PABIR2: variants seen among roughly 807,000 people sequenced by gnomAD.
PABIR2 encodes family with sequence similarity 122B.
PABIR2 carries 7 observed loss-of-function variants against 22.8 expected under a neutral mutation model. The observed-to-expected ratio is 0.31, with a 90% CI of 0.17 to 0.58. PABIR2 has a LOEUF of 0.58. PABIR2 is among the 20% of genes least tolerant of loss of function. PABIR2 has a pLI of 0.89. For missense variants in PABIR2, 155 were observed against 205.1 expected (o/e 0.76, Z 1.49); for synonymous variants, 67 against 73.8 (o/e 0.91, Z 0.47).
intron 9 of PABIR2, 102 bp from the exon 10 acceptor site, chrX:134,772,385 G>T: frequency 1.2e-6 from 1 of 823,496 alleles, no homozygotes; most frequent in Non-Finnish European, 1.7e-6. Context: ...TAAATCACTT[G>T]TAAATAATAA....
intron 9 of PABIR2, 84 bp from the exon 10 acceptor site, chrX:134,772,367 C>T: frequency 1.1e-6 from 1 of 919,661 alleles, no homozygotes; most frequent in Non-Finnish European, 1.5e-6. Context: ...CAAGAGCTCA[C>T]AAATCAGTAA....
intron 9 of PABIR2, among the ~76,000 whole-genome samples, chrX:134,776,947 A>G (rs2078994596): frequency 8.9e-6 from 1 of 112,547 alleles, no homozygotes; most frequent in Non-Finnish European, 1.9e-5. Flanking sequence ...TGATAAAAGT[A>G]ATCACAAAAC....
chrX:134,775,102 G>A (rs759254957), intron 9 of PABIR2, among the ~76,000 whole-genome samples: 121 of 112,196 alleles, frequency 1.1e-3, no homozygotes, highest in African/African-American at 3.7e-3. Context: ...ACTAATGGCC[G>A]AAAGCCAGAC....
chrX:134,787,212 G>A (rs1362967290), intron 7 of PABIR2, among the ~76,000 whole-genome samples: 1 of 106,307 alleles, frequency 9.4e-6, no homozygotes, highest in African/African-American at 3.4e-5. Flanking sequence ...CGATTCTCCT[G>A]CCTCAGCCTC....
intron 9 of PABIR2, among the ~76,000 whole-genome samples, chrX:134,775,540 AAG>A (rs1302886421): frequency 9.3e-6 from 1 of 107,944 alleles, no homozygotes; most frequent in African/African-American, 3.4e-5. Flanking sequence ...AAAAAAAAAA[AAG>A]TACTTATGAC....
chrX:134,781,722 A>C lies in PABIR2; in HGVS notation c.659+99T>G, dbSNP rs186472284. The C allele has an allele frequency of 2.3e-3, 1,049 of 447,165 alleles. 3 individuals are homozygous for C. Among genetic ancestry groups the C allele is most frequent in the Non-Finnish European group, 2.9e-3 (955 of 328,476 alleles). 36.9% of individuals were successfully genotyped at this position (447,165 alleles called of 1,213,427 possible). ...TAAAAAATAAATATTAACAAAATTC[A>C]AAAAAAAATATTTTAAATTATCCCA... On this transcript the variant is annotated intron_variant, in intron 9 of 9. Transcript: ENST00000343004.
rs1018120447 is a variant in PABIR2 at position 134,797,024 on chromosome X, G to C, written c.-819C>G. The C allele has an allele frequency of 8.8e-6, 1 of 113,919 alleles. No individual in the cohort carries two copies. Among genetic ancestry groups the C allele is most frequent in the African/African-American group, 3.2e-5 (1 of 31,184 alleles). The allele number at this position is 113,919 out of a possible 1,213,427, so 9.4% of individuals were successfully genotyped here. A position where few individuals can be genotyped will look rare whatever the true frequency, so the allele number is the denominator to read the frequency against. On this transcript the variant is annotated 5_prime_UTR_variant, in exon 1 of 10. Coordinates refer to ENST00000343004, the MANE Select transcript of PABIR2 (RefSeq NM_001387468.1). ...CTCCCGCCTCGAGGACAGGTTGGGG[G>C]TTCGGCCTCTCAGCCGCCGCCGCGG...
rs2078808887 is a variant in PABIR2 at position 134,769,643 on chromosome X, C to T, written c.*2496G>A. On this transcript the variant is annotated 3_prime_UTR_variant, in exon 10 of 10. Transcript: ENST00000343004. ...ACAAGGCCAGCATTTCACAAAACTTCCTATTATTCCAAAAGCAGTAATCAT... is the reference window on the plus strand; with the variant it reads ...ACAAGGCCAGCATTTCACAAAACTTTCTATTATTCCAAAAGCAGTAATCAT... The T allele has an allele frequency of 8.9e-6, 1 of 111,931 alleles. No individual in the cohort carries two copies. Among genetic ancestry groups the T allele is most frequent in the Admixed American group, 9.5e-5 (1 of 10,474 alleles). 9.2% of individuals were successfully genotyped at this position (111,931 alleles called of 1,213,427 possible).
At position 134,769,627 on chromosome X, in the gene PABIR2, G is replaced by T; in HGVS notation, c.*2512C>A. The T allele has an allele frequency of 8.8e-6, 1 of 113,607 alleles. No individual in the cohort carries two copies. The allele number at this position is 113,607 out of a possible 1,213,427, so 9.4% of individuals were successfully genotyped here. A position where few individuals can be genotyped will look rare whatever the true frequency, so the allele number is the denominator to read the frequency against. On this transcript the variant is annotated 3_prime_UTR_variant, in exon 10 of 10. Coordinates refer to ENST00000343004, the MANE Select transcript of PABIR2 (RefSeq NM_001387468.1). Reference sequence around the variant, plus strand: ...GCATTCTAAGATATACACAAGGCCAGCATTTCACAAAACTTCCTATTATTC... The same window carrying T: ...GCATTCTAAGATATACACAAGGCCATCATTTCACAAAACTTCCTATTATTC...
intron 1 of PABIR2, among the ~76,000 whole-genome samples, chrX:134,795,319 TC>T (rs750543850): frequency 8.9e-6 from 1 of 111,938 alleles, no homozygotes; most frequent in Non-Finnish European, 1.9e-5. Context: ...TAATGCCATT[TC>T]TACAGGGTCT....
intron 9 of PABIR2, among the ~76,000 whole-genome samples, chrX:134,776,085 A>AGTGT (rs35944652): frequency 4.6e-5 from 5 of 107,999 alleles, no homozygotes; most frequent in Admixed American, 9.8e-5. Flanking sequence ...ACATCTCTAA[A>AGTGT]GTGTGTGTGT....
At chrX:134,792,286 AG>A (rs2079570048) in intron 2 of PABIR2, among the ~76,000 whole-genome samples, 1 of 111,816 alleles carries the variant, frequency 8.9e-6, no homozygotes, top group African/African-American at 3.2e-5. Context: ...TCAGAAAACT[AG>A]GTATTTCAGT....
intron 8 of PABIR2, among the ~76,000 whole-genome samples, chrX:134,782,676 T>C (rs1378277845): frequency 8.9e-6 from 1 of 112,188 alleles, no homozygotes; most frequent in African/African-American, 3.2e-5. Context: ...GCTCTTCATC[T>C]GAGCTTGAAA....
chrX:134,773,239 C>T (rs1039486897), intron 9 of PABIR2, among the ~76,000 whole-genome samples: 2 of 109,971 alleles, frequency 1.8e-5, no homozygotes, highest in Non-Finnish European at 3.8e-5. Context: ...AAGCTCTATG[C>T]TTTATATTTG....
chrX:134,784,461 G>A (rs144341437), intron 8 of PABIR2, among the ~76,000 whole-genome samples: 1,809 of 107,333 alleles, frequency 0.017, 10 homozygotes, highest in Non-Finnish European at 0.026. Flanking sequence ...AACGAAATTC[G>A]GTCTCAAAAA....
At chrX:134,779,677 AG>A (rs988290364) in intron 9 of PABIR2, among the ~76,000 whole-genome samples, 5 of 112,402 alleles carry the variant, frequency 4.4e-5, no homozygotes, top group African/African-American at 1.6e-4. Context: ...CCTGTTTTAC[AG>A]CATCCTGCAC....
intron 2 of PABIR2, among the ~76,000 whole-genome samples, chrX:134,790,376 A>G (rs1282545885): frequency 8.9e-6 from 1 of 112,532 alleles, no homozygotes; most frequent in African/African-American, 3.2e-5. Flanking sequence ...TCTAGTGGTC[A>G]TAATATAAAC....
chrX:134,781,408 A>C (rs1374119773), intron 9 of PABIR2, among the ~76,000 whole-genome samples: 1 of 112,182 alleles, frequency 8.9e-6, no homozygotes, highest in Admixed American at 9.5e-5. Flanking sequence ...TTCAGACTTG[A>C]GGTGATGAAA....
At chrX:134,787,678 C>T (rs1396311010) in intron 6 of PABIR2, 145 bp from the exon 7 acceptor site, 15 of 501,922 alleles carry the variant, frequency 3.0e-5, no homozygotes, top group Admixed American at 2.3e-4. Context: ...TGCAGTGATG[C>T]GATCATAGCT....
Sources: allele counts gnomAD v4.1 joint callset (sites outside exome capture counted in the v4.1 genomes callset), GRCh38; gene constraint gnomAD v4.1.1; transcripts MANE v1.5; gene names NCBI Gene and HGNC (gene_info 2026-07-23, HGNC 2026-07-21).